The following BMP2K variants were observed in gnomAD, a reference collection of about 807,000 sequenced individuals.
The protein encoded by BMP2K is BMP2 inducible kinase.
Under a neutral mutation model 116.0 loss-of-function variants are expected in BMP2K, and 74 were observed. The ratio of observed to expected loss-of-function variants is 0.64; its 90% confidence interval spans 0.53 to 0.77. BMP2K has a LOEUF of 0.77. Among genes scored for constraint, BMP2K ranks in the 30% least tolerant of loss-of-function variants. BMP2K has a pLI of 0.00. For missense variants in BMP2K, 1,365 were observed against 1,403.6 expected (o/e 0.97, Z 0.44); for synonymous variants, 486 against 502.5 (o/e 0.97, Z 0.44).
At chr4:78,829,669 T>C (rs796967909) in intron 2 of BMP2K, among the ~76,000 whole-genome samples, 16 of 152,296 alleles carry the variant, frequency 1.1e-4, no homozygotes, top group African/African-American at 3.4e-4. Context: ...AAATATATTT[T>C]TTAAATAATA....
chr4:78,823,504 T>TTA (rs1356977796), intron 1 of BMP2K, among the ~76,000 whole-genome samples: 2 of 147,554 alleles, frequency 1.4e-5, no homozygotes, highest in Admixed American at 1.4e-4. Context: ...GTATATATAG[T>TTA]TATATATAGT....
rs17003498 is a variant in BMP2K, at chr4:78,907,073, G to A, written c.2063-3537G>A. ...GAATCATGGTTGTATCTAAAATGCC[G>A]AAAAACTAGAAACAACCTAAATATT... is the stretch of plus-strand genomic sequence containing the variant. On this transcript the variant is annotated intron_variant, in intron 15 of 15. Transcript: ENST00000502613. Among the ~76,000 whole-genome samples, 1,389 of 152,060 alleles carry A rather than the reference G, an allele frequency of 9.1e-3. 27 individuals carry two copies. The highest frequency in any genetic ancestry group is 0.032 in the African/African-American group (1,310 of 41,488).
At chr4:78,883,004 T>C (rs887953336) in intron 14 of BMP2K, among the ~76,000 whole-genome samples, 2 of 152,226 alleles carry the variant, frequency 1.3e-5, no homozygotes, top group Non-Finnish European at 2.9e-5. Flanking sequence ...TACACCATTA[T>C]CCATATAAGC....
intron 10 of BMP2K, among the ~76,000 whole-genome samples, chr4:78,866,372 G>A (rs1352411135): frequency 1.3e-5 from 2 of 152,008 alleles, no homozygotes; most frequent in Non-Finnish European, 2.9e-5. Context: ...TAAATCTGTC[G>A]TGTTTTAATG....
intron 3 of BMP2K, among the ~76,000 whole-genome samples, chr4:78,838,079 G>T (rs138562007): frequency 1.3e-5 from 2 of 152,214 alleles, no homozygotes; most frequent in African/African-American, 2.4e-5. Context: ...GGCTGGGGAA[G>T]CCTCACAATC....
chr4:78,798,582 T>C (rs1434970627), intron 1 of BMP2K, among the ~76,000 whole-genome samples: 1 of 152,234 alleles, frequency 6.6e-6, no homozygotes, highest in Non-Finnish European at 1.5e-5. Flanking sequence ...CATATCACTT[T>C]AGGATGGGCA....
chr4:78,844,548 G>A (rs1730907368), intron 4 of BMP2K, among the ~76,000 whole-genome samples: 1 of 151,586 alleles, frequency 6.6e-6, no homozygotes, highest in Non-Finnish European at 1.5e-5. Context: ...ACTCTGCCAG[G>A]TACTAGTTCT....
chr4:78,842,006 A>G (rs1730782227), intron 3 of BMP2K, among the ~76,000 whole-genome samples: 1 of 152,000 alleles, frequency 6.6e-6, no homozygotes, highest in Admixed American at 6.6e-5. Context: ...GATTGCTTCT[A>G]CCTTTAGACT....
In BMP2K at chr4:78,872,656, G is replaced by A; in HGVS notation, c.1651G>A (p.Ala551Thr). 3 of 1,614,040 alleles carry A rather than the reference G, an allele frequency of 1.9e-6. No individual in the cohort carries two copies. The highest frequency in any genetic ancestry group is 2.5e-6 in the Non-Finnish European group (3 of 1,179,976). ...GGCTTTCTTTCAACAGCAGATGCTAGCTCAACATCAGCCGTCTCAACAACA... is the reference window on the plus strand; with the variant it reads ...GGCTTTCTTTCAACAGCAGATGCTAACTCAACATCAGCCGTCTCAACAACA... ...QQAFFQQQML[A>T]QHQPSQQQAS... The change falls in exon 13 of 16, where the codon GCT (alanine) becomes ACT (threonine). Residue 551 changes from alanine to threonine, a missense_variant. Physicochemically the swap from Ala to Thr is moderately conservative, Grantham distance 58. Around this residue, in one of 3 missense-constraint regions of BMP2K, gnomAD observed 762 missense variants for 756.7 expected, o/e 1.01. Coordinates refer to ENST00000502613, the MANE Select transcript of BMP2K (RefSeq NM_198892.2).
intron 14 of BMP2K, among the ~76,000 whole-genome samples, chr4:78,885,012 G>C (rs2110072077): frequency 6.6e-6 from 1 of 152,236 alleles, no homozygotes; most frequent in East Asian, 1.9e-4. Context: ...TTAATATCTT[G>C]AAAAATAATA....
intron 13 of BMP2K, among the ~76,000 whole-genome samples, chr4:78,874,168 C>G (rs934389289): frequency 1.4e-5 from 2 of 147,986 alleles, no homozygotes; most frequent in Non-Finnish European, 2.9e-5. Flanking sequence ...CAGAGCGAGA[C>G]TCCATCTCAC....
chr4:78,908,039 T>C (rs551969502), intron 15 of BMP2K, among the ~76,000 whole-genome samples: 1 of 152,332 alleles, frequency 6.6e-6, no homozygotes, highest in African/African-American at 2.4e-5. Flanking sequence ...ATTAACTTTG[T>C]TTTTAATATC....
At chr4:78,788,946 G>C (rs1331478495) in intron 1 of BMP2K, among the ~76,000 whole-genome samples, 3 of 145,646 alleles carry the variant, frequency 2.1e-5, no homozygotes, top group African/African-American at 7.7e-5. Context: ...AAAAAGTTGT[G>C]GTGGGCCATT....
chr4:78,838,014 C>T (rs1185613254), intron 3 of BMP2K, among the ~76,000 whole-genome samples: 3 of 152,038 alleles, frequency 2.0e-5, no homozygotes, highest in African/African-American at 7.2e-5. Flanking sequence ...AAGACGTACT[C>T]GAGACAGGGC....
chr4:78,872,502 C>T (rs930007402), intron 12 of BMP2K, 112 bp from the exon 13 acceptor site: 23 of 910,422 alleles, frequency 2.5e-5, no homozygotes, highest in African/African-American at 1.2e-4. Flanking sequence ...TTGTTTTTTA[C>T]GTTTCTGATT....
In BMP2K at chr4:78,871,036, A is replaced by C; in HGVS notation, c.1485A>C (p.Leu495=). ...ACCACCACCACCACCACCACCACCT[A>C]CTTCAAGATGCTTATATGCAGCAGG... The part of the protein sequence containing the change: ...QQHHHHHHHH[L]LQDAYMQQYQ... The change falls in exon 11 of 16, where the codon CTA becomes CTC. Residue 495 remains leucine, a synonymous_variant. Coordinates refer to ENST00000502613, the MANE Select transcript of BMP2K (RefSeq NM_198892.2). 1 of 1,605,040 alleles carries C rather than the reference A, an allele frequency of 6.2e-7. No homozygotes were observed. Among genetic ancestry groups the C allele is most frequent in the South Asian group, 1.1e-5 (1 of 90,920 alleles).
intron 15 of BMP2K, among the ~76,000 whole-genome samples, chr4:78,901,897 A>G (rs28489278): frequency 0.092 from 14,041 of 152,182 alleles, 1,020 homozygotes; most frequent in East Asian, 0.21. Flanking sequence ...AACTTCCTCA[A>G]TGCTCCCAAA....
At chr4:78,856,664 C>T (rs1314326111) in intron 7 of BMP2K, among the ~76,000 whole-genome samples, 3 of 151,998 alleles carry the variant, frequency 2.0e-5, no homozygotes, top group African/African-American at 7.2e-5. Flanking sequence ...TCCACTGGAG[C>T]TCATCAGATA....
At chr4:78,853,547 C>T (rs963266067) in intron 7 of BMP2K, among the ~76,000 whole-genome samples, 7 of 152,126 alleles carry the variant, frequency 4.6e-5, no homozygotes, top group Non-Finnish European at 8.8e-5. Context: ...AACGGGATTA[C>T]TGAATAGTTA....
Sources: gnomAD v4.1 joint callset for allele counts (sites outside exome capture counted in the v4.1 genomes callset) on GRCh38, gnomAD v4.1.1 for gene constraint, gnomAD v4.1.1 regional missense constraint, MANE v1.5 for transcripts, NCBI Gene and HGNC (gene_info 2026-07-23, HGNC 2026-07-21) for gene names.